The following FHIT variants were observed in gnomAD, a reference collection of about 807,000 sequenced individuals.
The protein encoded by FHIT is fragile histidine triad diadenosine triphosphatase.
FHIT carries 19 observed loss-of-function variants against 17.9 expected under a neutral mutation model. The ratio of observed to expected loss-of-function variants is 1.06; its 90% CI spans 0.74 to 1.56. FHIT has a LOEUF of 1.56. Among genes scored for constraint, FHIT ranks in the 40% most tolerant of loss-of-function variants. The pLI, the probability that FHIT is intolerant of heterozygous loss-of-function variation, is 0.00. For synonymous variants in FHIT, 81 were observed against 69.7 expected, an observed-to-expected ratio of 1.16 and a Z score of -0.81; for missense variants, 248 against 189.2, an observed-to-expected ratio of 1.31 and a Z score of -1.82.
At chr3:60,860,146 T>C (rs1364078339) in intron 3 of FHIT, among the ~76,000 whole-genome samples, 1 of 73,770 alleles carries the variant, frequency 1.4e-5, no homozygotes, top group Non-Finnish European at 2.7e-5. Flanking sequence ...TATATACATA[T>C]GGTATATATG....
At chr3:60,380,955 C>T (rs1311292612) in intron 5 of FHIT, among the ~76,000 whole-genome samples, 3 of 139,422 alleles carry the variant, frequency 2.2e-5, no homozygotes, top group African/African-American at 5.2e-5. Flanking sequence ...ATGGCAACCG[C>T]GTAACAAAAA....
chr3:60,527,389 C>A (rs779482080), intron 5 of FHIT, among the ~76,000 whole-genome samples: 3 of 152,046 alleles, frequency 2.0e-5, no homozygotes, highest in Non-Finnish European at 4.4e-5. Flanking sequence ...AGTATTAGCA[C>A]GTAAATCTCT....
At chr3:59,979,500 C>G (rs1336090725) in intron 7 of FHIT, among the ~76,000 whole-genome samples, 1 of 152,140 alleles carries the variant, frequency 6.6e-6, no homozygotes, top group Non-Finnish European at 1.5e-5. Context: ...AAAACACCAG[C>G]TATGAGAATA....
chr3:60,485,934 T>C (rs557582159), intron 5 of FHIT, among the ~76,000 whole-genome samples: 1 of 152,056 alleles, frequency 6.6e-6, no homozygotes, highest in Non-Finnish European at 1.5e-5. Context: ...AAAAAATAAA[T>C]GAAAAGTCTA....
intron 5 of FHIT, among the ~76,000 whole-genome samples, chr3:60,315,773 G>A (rs539866796): frequency 6.6e-6 from 1 of 152,052 alleles, no homozygotes; most frequent in South Asian, 2.1e-4. Flanking sequence ...ACATCTTCCT[G>A]GTGGACAAAT....
At chr3:59,812,198 A>G (rs1700431868) in intron 8 of FHIT, among the ~76,000 whole-genome samples, 1 of 152,176 alleles carries the variant, frequency 6.6e-6, no homozygotes, top group African/African-American at 2.4e-5. Flanking sequence ...AACAAAGATG[A>G]TCTGGCCCCA....
chr3:59,794,840 A>C (rs906528548), intron 8 of FHIT, among the ~76,000 whole-genome samples: 1 of 152,194 alleles, frequency 6.6e-6, no homozygotes, highest in Non-Finnish European at 1.5e-5. Context: ...CATTTGTTCC[A>C]TTTGACAGTA....
At chr3:61,236,947 C>T (rs978383341) in intron 1 of FHIT, among the ~76,000 whole-genome samples, 2 of 152,126 alleles carry the variant, frequency 1.3e-5, no homozygotes, top group Non-Finnish European at 2.9e-5. Flanking sequence ...CTACCTAGGG[C>T]CCATTTCCAA....
intron 3 of FHIT, among the ~76,000 whole-genome samples, chr3:60,846,141 T>G (rs1367632182): frequency 6.6e-6 from 1 of 152,164 alleles, no homozygotes; most frequent in Non-Finnish European, 1.5e-5. Flanking sequence ...AGCTACATTG[T>G]TAGAGAGCAA....
At chr3:60,055,306 A>G (rs965196178) in intron 5 of FHIT, among the ~76,000 whole-genome samples, 2 of 151,998 alleles carry the variant, frequency 1.3e-5, no homozygotes, top group Admixed American at 6.6e-5. Flanking sequence ...CACTTTCCCC[A>G]TACTACCACA....
chr3:60,322,179 G>C (rs954496849), intron 5 of FHIT, among the ~76,000 whole-genome samples: 1 of 152,152 alleles, frequency 6.6e-6, no homozygotes, highest in Non-Finnish European at 1.5e-5. Context: ...TATGATGCCT[G>C]CTCAATGTGT....
chr3:60,751,655 G>C (rs1364553117), intron 4 of FHIT, among the ~76,000 whole-genome samples: 1 of 152,168 alleles, frequency 6.6e-6, no homozygotes, highest in East Asian at 1.9e-4. Flanking sequence ...AATTGGAGAT[G>C]CTCATACACA....
intron 2 of FHIT, among the ~76,000 whole-genome samples, chr3:61,192,934 C>G (rs1175152105): frequency 6.6e-6 from 1 of 152,194 alleles, no homozygotes; most frequent in Non-Finnish European, 1.5e-5. Context: ...AATTTGTACT[C>G]TTTGTTATCC....
At chr3:60,510,304 T>G (rs1307988191) in intron 5 of FHIT, among the ~76,000 whole-genome samples, 1 of 152,208 alleles carries the variant, frequency 6.6e-6, no homozygotes, top group Admixed American at 6.5e-5. Context: ...TCAGATCCAA[T>G]TTCACATATT....
At chr3:60,988,972 A>C (rs1213714461) in intron 3 of FHIT, among the ~76,000 whole-genome samples, 1 of 143,088 alleles carries the variant, frequency 7.0e-6, no homozygotes, top group Non-Finnish European at 1.5e-5. Flanking sequence ...AAAAAAAAAA[A>C]AAACAAGATA....
In FHIT at chr3:59,836,870, T is replaced by C. The variant is rs537415793; in HGVS notation, c.349-84549A>G. Among the ~76,000 whole-genome samples the C allele has an allele frequency of 1.5e-4, 23 of 152,298 alleles. No homozygotes were observed. In the South Asian group the frequency reaches 4.8e-3, roughly 32 times the overall value. On this transcript the variant is annotated intron_variant, in intron 8 of 9. Coordinates refer to ENST00000492590, the MANE Select transcript of FHIT (RefSeq NM_002012.4). Reference sequence around the variant, plus strand: ...CTGAGTGATGACTAAATGAGGCCCCTGCAAAGGCAGAATGGCCCAGGATTG... The same window carrying C: ...CTGAGTGATGACTAAATGAGGCCCCCGCAAAGGCAGAATGGCCCAGGATTG...
At chr3:60,083,728 G>A (rs960435667) in intron 5 of FHIT, among the ~76,000 whole-genome samples, 3 of 152,142 alleles carry the variant, frequency 2.0e-5, no homozygotes, top group African/African-American at 7.2e-5. Context: ...ACTCAACTCT[G>A]CCATTACAGC....
intron 5 of FHIT, among the ~76,000 whole-genome samples, chr3:60,029,902 T>TGTGTGTCC (rs1213866110): frequency 2.6e-5 from 3 of 117,236 alleles, no homozygotes; most frequent in Non-Finnish European, 4.0e-5. Context: ...TGTGTCTGTG[T>TGTGTGTCC]GTGTGTGTGT....
intron 8 of FHIT, among the ~76,000 whole-genome samples, chr3:59,798,239 G>T (rs138891585): frequency 6.6e-6 from 1 of 152,120 alleles, no homozygotes; most frequent in Non-Finnish European, 1.5e-5. Flanking sequence ...CACCTACGCC[G>T]CCCAGCAATG....
Sources: gnomAD v4.1 joint callset for allele counts (sites outside exome capture counted in the v4.1 genomes callset) on GRCh38, gnomAD v4.1.1 for gene constraint, MANE v1.5 for transcripts, NCBI Gene and HGNC (gene_info 2026-07-23, HGNC 2026-07-21) for gene names.